PPFIBP1: variants seen among roughly 807,000 people sequenced by gnomAD.
PPFIBP1 encodes the protein PPFIB scaffold protein 1.
A neutral mutation model predicts 137.8 loss-of-function variants in PPFIBP1; 112 were observed. The ratio of observed to expected loss-of-function variants is 0.81; its 90% CI spans 0.70 to 0.95. The LOEUF (loss-of-function observed/expected upper bound fraction) is 0.95. Ranked by LOEUF, PPFIBP1 falls within the 40% of genes least tolerant of loss-of-function variation. PPFIBP1 has a pLI of 0.00. For synonymous variants in PPFIBP1, 378 were observed against 417.3 expected, an observed-to-expected ratio of 0.91 and a Z score of 1.15; for missense variants, 1,083 against 1,196.6, an observed-to-expected ratio of 0.91 and a Z score of 1.40.
chr12:27,644,260 T>C (rs2058324224), intron 4 of PPFIBP1, among the ~76,000 whole-genome samples: 1 of 97,944 alleles, frequency 1.0e-5, no homozygotes, highest in Non-Finnish European at 2.2e-5. Context: ...TTTTTTTTTT[T>C]TTTTTTTTTA....
chr12:27,682,738 A>G (rs768022746), intron 24 of PPFIBP1, 35 bp downstream of exon 24: 2 of 1,612,866 alleles, frequency 1.2e-6, no homozygotes, highest in East Asian at 4.5e-5. Context: ...GGGGGAGGAA[A>G]ACTTTTTTTC....
intron 29 of PPFIBP1, 26 bp downstream of exon 29, chr12:27,692,682 T>C (rs2061620478): frequency 6.2e-7 from 1 of 1,614,042 alleles, no homozygotes; most frequent in Non-Finnish European, 8.5e-7. Context: ...GAATTGAAAA[T>C]GTTATTCTAT....
intron 1 of PPFIBP1, among the ~76,000 whole-genome samples, chr12:27,566,377 C>T (rs914147631): frequency 6.6e-6 from 1 of 152,188 alleles, no homozygotes; most frequent in African/African-American, 2.4e-5. Flanking sequence ...ACTCCACCTG[C>T]TGTTCGCAAA....
At chr12:27,637,961 C>T (rs1159991412) in intron 4 of PPFIBP1, among the ~76,000 whole-genome samples, 1 of 152,046 alleles carries the variant, frequency 6.6e-6, no homozygotes, top group Non-Finnish European at 1.5e-5. Flanking sequence ...TCCTCCCTTC[C>T]TCTCTCCCTT....
intron 1 of PPFIBP1, among the ~76,000 whole-genome samples, chr12:27,537,171 A>C (rs572364717): frequency 6.0e-5 from 9 of 151,078 alleles, no homozygotes; most frequent in Admixed American, 5.9e-4. Flanking sequence ...TCTCACGGTC[A>C]CCTAGGCTGG....
chr12:27,617,556 G>T (rs1012176484), intron 2 of PPFIBP1, among the ~76,000 whole-genome samples: 1 of 152,138 alleles, frequency 6.6e-6, no homozygotes, highest in African/African-American at 2.4e-5. Flanking sequence ...AATCCATAGC[G>T]GCTCAAGTTC....
At chr12:27,578,764 G>T (rs115695213) in intron 2 of PPFIBP1, among the ~76,000 whole-genome samples, 2 of 152,156 alleles carry the variant, frequency 1.3e-5, no homozygotes, top group African/African-American at 4.8e-5. Context: ...TGATTAATTC[G>T]ATTCCATGTT....
chr12:27,672,307 A>T (rs927378825), intron 14 of PPFIBP1, 120 bp from the exon 15 acceptor site: 17 of 762,056 alleles, frequency 2.2e-5, no homozygotes, highest in Non-Finnish European at 3.2e-5. Context: ...TAGGACATTT[A>T]AAAAAATAGA....
At chr12:27,623,473 A>G (rs888361783) in intron 2 of PPFIBP1, among the ~76,000 whole-genome samples, 11 of 152,004 alleles carry the variant, frequency 7.2e-5, no homozygotes, top group African/African-American at 2.4e-4. Context: ...GCCAAGGGGG[A>G]AAGGATTGCT....
intron 2 of PPFIBP1, among the ~76,000 whole-genome samples, chr12:27,616,580 G>A (rs1003816173): frequency 3.3e-5 from 5 of 152,216 alleles, no homozygotes; most frequent in Non-Finnish European, 4.4e-5. Flanking sequence ...AGATCCAGAA[G>A]GTTTTCAACA....
Position 27,691,914 on chromosome 12 carries a change from G to A in PPFIBP1, c.2851G>A (p.Asp951Asn), listed in dbSNP as rs1158954845. 6.2e-7 allele frequency: 1 copy of A among 1,611,738 alleles called. No individual in the cohort carries two copies. Residue 951 changes from aspartate (D) to asparagine (N), a missense_variant, in exon 28 of 30, where the codon GAC becomes AAC. Asp to Asn is a conservative substitution (Grantham distance 23, BLOSUM62 1). Transcript: ENST00000228425. ...DMRLYEEDDL[D>N]RLEQMEDSEG... is the part of the protein sequence containing the mutation. Reference sequence around the variant, plus strand: ...GCGCCTGTATGAGGAAGATGATTTGGACCGGTTAGAGCAGGTAAATCCAAC... The same window carrying A: ...GCGCCTGTATGAGGAAGATGATTTGAACCGGTTAGAGCAGGTAAATCCAAC...
At chr12:27,577,125 G>A (rs1349370001) in intron 1 of PPFIBP1, among the ~76,000 whole-genome samples, 2 of 151,974 alleles carry the variant, frequency 1.3e-5, no homozygotes, top group East Asian at 1.9e-4. Context: ...GAAATTCCAC[G>A]ATGAAAATCC....
chr12:27,688,867 C>A, intron 26 of PPFIBP1, 148 bp from the exon 27 acceptor site: 1 of 703,642 alleles, frequency 1.4e-6, no homozygotes, highest in Non-Finnish European at 2.3e-6. Context: ...AATTAAAGAT[C>A]AAAGTCCATA....
At chr12:27,549,703 C>T (rs1037351044) in intron 1 of PPFIBP1, among the ~76,000 whole-genome samples, 2 of 152,042 alleles carry the variant, frequency 1.3e-5, no homozygotes, top group African/African-American at 4.8e-5. Flanking sequence ...AAAACATTGC[C>T]GGTTAGGACC....
chr12:27,661,063 TG>T, intron 11 of PPFIBP1, 118 bp downstream of exon 11: 1 of 1,432,306 alleles, frequency 7.0e-7, no homozygotes, highest in Non-Finnish European at 9.3e-7. Flanking sequence ...CTGCTAGGAG[TG>T]AGGGGCAGGT....
rs191720615 is a variant in PPFIBP1, at chr12:27,680,300, A to G, written c.1895+239A>G. 4.5e-4 allele frequency among the ~76,000 whole-genome samples: 69 copies of G among 152,362 alleles called. 1 individual carries two copies. In the East Asian group the frequency reaches 0.013, roughly 29 times the overall value. On this transcript the variant is annotated intron_variant, in intron 21 of 29. Coordinates refer to ENST00000228425, the MANE Select transcript of PPFIBP1 (RefSeq NM_003622.4). ...CTAAAGTGTCAGCAGCATCTGTGTTAGAATGGCTCTCAGACTTAAATTTTA... is the reference window on the plus strand; with the variant it reads ...CTAAAGTGTCAGCAGCATCTGTGTTGGAATGGCTCTCAGACTTAAATTTTA...
intron 2 of PPFIBP1, chr12:27,593,319 C>T: frequency 2.6e-6 from 1 of 377,828 alleles, no homozygotes; most frequent in Admixed American, 3.3e-5. Context: ...CCCCTTGGGA[C>T]CTGCTTCCTA....
intron 2 of PPFIBP1, among the ~76,000 whole-genome samples, chr12:27,620,689 C>A (rs2138537941): frequency 6.7e-6 from 1 of 148,730 alleles, no homozygotes; most frequent in East Asian, 2.0e-4. Flanking sequence ...ACTTTCTGTG[C>A]CTCAGTTTGA....
rs551356101 is a variant in PPFIBP1, at chr12:27,679,373, A to C, written c.1616-116A>C. ...CTAATATTTACAAGGTGCTCTTTGT[A>C]AGTCACTGATTATAGACCAACAGAA... On this transcript the variant is annotated intron_variant, in intron 19 of 29. Transcript: ENST00000228425. The C allele has an allele frequency of 3.7e-5, 38 of 1,017,172 alleles. 1 individual carries two copies. The Middle Eastern group carries it at 1.4e-3, about 39-fold the overall frequency. 63.0% of individuals were successfully genotyped at this position (1,017,172 alleles called of 1,614,324 possible). A position where few individuals can be genotyped will look rare whatever the true frequency, so the allele number is the denominator to read the frequency against.
Sources: allele counts gnomAD v4.1 joint callset (sites outside exome capture counted in the v4.1 genomes callset), GRCh38; gene constraint gnomAD v4.1.1; transcripts MANE v1.5; gene names NCBI Gene and HGNC (gene_info 2026-07-23, HGNC 2026-07-21).